The following SUCLG2 variants were observed in gnomAD, a reference collection of about 807,000 sequenced individuals.
The protein encoded by SUCLG2 is succinate--CoA ligase [GDP-forming] subunit beta, mitochondrial.
SUCLG2 carries 42 observed loss-of-function variants against 47.9 expected under a neutral mutation model. That is an observed-to-expected ratio of 0.88 (90% CI 0.69 to 1.14). The LOEUF (loss-of-function observed/expected upper bound fraction) is 1.14, where lower values mean the gene tolerates loss of function less well. SUCLG2 is among the 50% of genes most tolerant of loss of function. SUCLG2 has a pLI of 0.00. For synonymous variants in SUCLG2, 195 were observed against 197.3 expected (o/e 0.99, Z 0.10); for missense variants, 571 against 525.9 (o/e 1.09, Z -0.84).
chr3:67,649,005 T>C (rs1025656544), intron 1 of SUCLG2, among the ~76,000 whole-genome samples: 2 of 152,162 alleles, frequency 1.3e-5, no homozygotes, highest in Non-Finnish European at 2.9e-5. Context: ...CACTACCAGG[T>C]ACAGTCAAGT....
chr3:67,654,581 C>T lies in SUCLG2; in HGVS notation c.6G>A (p.Ala2=), dbSNP rs931340756. M[A]SPVAAQAGKL... The stretch of plus-strand genomic sequence containing the variant: ...TCCCGGCCTGCGCTGCTACGGGGGA[C>T]GCCATCTTAAACAGGAAACTCGGCA... The change falls in exon 1 of 11, where the codon GCG becomes GCA. Residue 2 remains alanine (A), a synonymous_variant. Coordinates refer to ENST00000307227, the MANE Select transcript of SUCLG2 (RefSeq NM_003848.4). The T allele has an allele frequency of 1.6e-6, 2 of 1,274,346 alleles. No individual in the cohort carries two copies. Among genetic ancestry groups the T allele is most frequent in the African/African-American group, 3.0e-5 (2 of 65,776 alleles). 78.9% of individuals were successfully genotyped at this position (1,274,346 alleles called of 1,614,324 possible).
At chr3:67,410,201 G>C (rs901149615) in intron 9 of SUCLG2, among the ~76,000 whole-genome samples, 1 of 152,174 alleles carries the variant, frequency 6.6e-6, no homozygotes, top group Admixed American at 6.5e-5. Flanking sequence ...TCTTTACAAA[G>C]ATGCTAATCA....
intron 2 of SUCLG2, among the ~76,000 whole-genome samples, chr3:67,592,226 G>A (rs894936636): frequency 1.3e-5 from 2 of 152,204 alleles, no homozygotes; most frequent in African/African-American, 2.4e-5. Flanking sequence ...GGTTCAGAGT[G>A]TAAGGCACAG....
intron 9 of SUCLG2, among the ~76,000 whole-genome samples, chr3:67,407,365 T>C (rs1180349964): frequency 6.6e-6 from 1 of 152,228 alleles, no homozygotes; most frequent in African/African-American, 2.4e-5. Flanking sequence ...TGTTATTTTC[T>C]TGCCATCACT....
chr3:67,385,870 G>A, intron 10 of SUCLG2, among the ~76,000 whole-genome samples: 1 of 152,198 alleles, frequency 6.6e-6, no homozygotes, highest in Non-Finnish European at 1.5e-5. Context: ...AGGCTTGGCT[G>A]GATGGGCTGT....
intron 6 of SUCLG2, among the ~76,000 whole-genome samples, chr3:67,511,212 C>T (rs1705779425): frequency 6.6e-6 from 1 of 152,112 alleles, no homozygotes; most frequent in Non-Finnish European, 1.5e-5. Flanking sequence ...TAGAAGCTGT[C>T]CCTGATTTCC....
chr3:67,436,929 T>C (rs1170921885), intron 9 of SUCLG2, among the ~76,000 whole-genome samples: 4 of 151,660 alleles, frequency 2.6e-5, no homozygotes, highest in Non-Finnish European at 5.9e-5. Context: ...TTGCTTTTTC[T>C]TTTCTTTTAT....
At chr3:67,460,786 A>ACTTCC (rs1287251084) in intron 9 of SUCLG2, among the ~76,000 whole-genome samples, 1 of 152,220 alleles carries the variant, frequency 6.6e-6, no homozygotes, top group Non-Finnish European at 1.5e-5. Context: ...TAAAAACAAT[A>ACTTCC]CAGGCCCACT....
intron 9 of SUCLG2, among the ~76,000 whole-genome samples, chr3:67,411,359 G>A (rs573436604): frequency 6.6e-6 from 1 of 152,174 alleles, no homozygotes; most frequent in South Asian, 2.1e-4. Flanking sequence ...CAAATCTAAT[G>A]TAAAACGATG....
At chr3:67,468,106 G>A (rs561547912) in intron 9 of SUCLG2, among the ~76,000 whole-genome samples, 20 of 152,156 alleles carry the variant, frequency 1.3e-4, no homozygotes, top group Non-Finnish European at 2.4e-4. Flanking sequence ...GTAGAGCAGG[G>A]AGTCTGGCCT....
At position 67,408,504 on chromosome 3, in the gene SUCLG2, G is replaced by A. The variant is rs73100399; in HGVS notation, c.1063-7653C>T. ...TCCAACTTCTCTGAACTGATAGCAT[G>A]GAAACGACATCTTATGGAGAGATCC... On this transcript the variant is annotated intron_variant, in intron 9 of 10. Coordinates refer to ENST00000307227, the MANE Select transcript of SUCLG2 (RefSeq NM_003848.4). The A allele has an allele frequency of 2.4e-3, 1,346 of 569,210 alleles. 1 individual carries two copies. The highest frequency in any genetic ancestry group is 2.9e-3 in the Non-Finnish European group (1,281 of 449,342). 35.3% of individuals were successfully genotyped at this position (569,210 alleles called of 1,614,324 possible).
At chr3:67,455,144 T>G (rs749504375) in intron 9 of SUCLG2, among the ~76,000 whole-genome samples, 1 of 152,172 alleles carries the variant, frequency 6.6e-6, no homozygotes, top group African/African-American at 2.4e-5. Context: ...ATTCAGTGTT[T>G]TAGATTTACT....
chr3:67,488,302 G>C (rs1225472899), intron 9 of SUCLG2, among the ~76,000 whole-genome samples: 4 of 152,056 alleles, frequency 2.6e-5, no homozygotes, highest in African/African-American at 7.2e-5. Context: ...AGCCCATATG[G>C]ACATGTTGCT....
intron 1 of SUCLG2, among the ~76,000 whole-genome samples, chr3:67,629,263 G>C (rs1700886990): frequency 6.6e-6 from 1 of 152,168 alleles, no homozygotes; most frequent in Non-Finnish European, 1.5e-5. Flanking sequence ...AACTCCCAGA[G>C]TTAGCACAAA....
intron 7 of SUCLG2, among the ~76,000 whole-genome samples, chr3:67,503,602 A>G (rs1705559433): frequency 6.6e-6 from 1 of 152,214 alleles, no homozygotes; most frequent in South Asian, 2.1e-4. Context: ...TCCGGACCTT[A>G]AGATTGTCAA....
At position 67,520,640 on chromosome 3, in the gene SUCLG2, A is replaced by G. The variant is rs1295436880; in HGVS notation, c.418-6T>C. The G allele has an allele frequency of 2.5e-6, 4 of 1,598,924 alleles. No individual in the cohort carries two copies. Among genetic ancestry groups the G allele is most frequent in the Admixed American group, 1.8e-5 (1 of 55,654 alleles). On this transcript the variant is annotated splice_region_variant and splice_polypyrimidine_tract_variant and intron_variant, in intron 4 of 10. Transcript: ENST00000307227. ...AAGGCTTCAGCAACCATCACCTACCACATTAGTGGGAAAGTCAAATTAATT... is the reference window on the plus strand; with the variant it reads ...AAGGCTTCAGCAACCATCACCTACCGCATTAGTGGGAAAGTCAAATTAATT...
intron 10 of SUCLG2, among the ~76,000 whole-genome samples, chr3:67,368,009 C>T (rs551273341): frequency 7.2e-5 from 11 of 152,262 alleles, no homozygotes; most frequent in South Asian, 4.1e-4. Flanking sequence ...AATGGCTACA[C>T]GATATTCCAC....
chr3:67,478,041 C>T lies in SUCLG2; in HGVS notation c.1062+17757G>A, dbSNP rs536343174. Among the ~76,000 whole-genome samples the T allele has an allele frequency of 2.6e-5, 4 of 152,268 alleles. No individual in the cohort carries two copies. The South Asian group carries it at 8.3e-4, about 32-fold the overall frequency. On this transcript the variant is annotated intron_variant, in intron 9 of 10. Transcript: ENST00000307227. ...CTTTATAGATGAAGAAACTAAGGCA[C>T]ACATAGATTAAGTTGCCCAAGGCCA...
At chr3:67,443,002 G>A (rs13081336) in intron 9 of SUCLG2, among the ~76,000 whole-genome samples, 2,833 of 151,836 alleles carry the variant, frequency 0.019, 45 homozygotes, top group Non-Finnish European at 0.028. Flanking sequence ...ATTCAGAAAC[G>A]AAAAAAAGGA....
Sources: allele counts gnomAD v4.1 joint callset (sites outside exome capture counted in the v4.1 genomes callset), GRCh38; gene constraint gnomAD v4.1.1; transcripts MANE v1.5; gene names NCBI Gene and HGNC (gene_info 2026-07-23, HGNC 2026-07-21).